The following GLIS1 variants were observed in gnomAD, a reference collection of about 807,000 sequenced individuals.
The protein encoded by GLIS1 is GLIS family zinc finger 1.
GLIS1 carries 24 observed loss-of-function variants against 63.8 expected under a neutral mutation model. The ratio of observed to expected loss-of-function variants is 0.38; its 90% CI spans 0.27 to 0.53. The LOEUF (loss-of-function observed/expected upper bound fraction) is 0.53, where lower values mean the gene tolerates loss of function less well. Ranked by LOEUF, GLIS1 falls within the 20% of genes least tolerant of loss-of-function variation. The pLI, the probability that GLIS1 is intolerant of heterozygous loss-of-function variation, is 0.85. For missense variants in GLIS1, 1,036 were observed against 1,074.1 expected (o/e 0.96, Z 0.50); for synonymous variants, 450 against 482.5 (o/e 0.93, Z 0.88).
chr1:53,645,354 T>C (rs1458169915), intron 2 of GLIS1, among the ~76,000 whole-genome samples: 2 of 152,200 alleles, frequency 1.3e-5, no homozygotes, highest in African/African-American at 2.4e-5. Context: ...ACACACTGTA[T>C]ATTTCCTGTG....
At position 53,610,947 on chromosome 1, in the gene GLIS1, T is replaced by C. The variant is rs1290347630; in HGVS notation, c.260-10669A>G. Among the ~76,000 whole-genome samples the C allele has an allele frequency of 3.9e-5, 6 of 152,348 alleles. No individual in the cohort carries two copies. In the South Asian group the frequency reaches 6.2e-4, roughly 16 times the overall value. On this transcript the variant is annotated intron_variant, in intron 2 of 10. Transcript: ENST00000628545. ...TGATCCTCTCTTTAACTGCATCTTTTAAATCTAGCTTTTGCATTCTTAAAT... is the reference window on the plus strand; with the variant it reads ...TGATCCTCTCTTTAACTGCATCTTTCAAATCTAGCTTTTGCATTCTTAAAT...
intron 5 of GLIS1, among the ~76,000 whole-genome samples, chr1:53,527,350 G>T (rs967978862): frequency 1.3e-5 from 2 of 152,222 alleles, no homozygotes; most frequent in African/African-American, 4.8e-5. Flanking sequence ...TGAGAGCCTG[G>T]GACACGGCAG....
intron 2 of GLIS1, among the ~76,000 whole-genome samples, chr1:53,721,687 T>C (rs554353362): frequency 6.6e-6 from 1 of 152,284 alleles, no homozygotes; most frequent in East Asian, 1.9e-4. Context: ...TTTGGCATTA[T>C]TTTGCTAAAA....
intron 4 of GLIS1, among the ~76,000 whole-genome samples, chr1:53,565,483 A>AT (rs986233878): frequency 6.6e-6 from 1 of 152,066 alleles, no homozygotes; most frequent in East Asian, 1.9e-4. Context: ...CGATGAAATA[A>AT]TTTTTTTTAA....
chr1:53,693,737 G>A (rs1017927249), intron 2 of GLIS1, among the ~76,000 whole-genome samples: 34 of 152,272 alleles, frequency 2.2e-4, no homozygotes, highest in African/African-American at 7.0e-4. Context: ...CAGGAAGCCC[G>A]GGATGTCGAG....
At chr1:53,596,273 G>C (rs141578398) in intron 3 of GLIS1, among the ~76,000 whole-genome samples, 4 of 152,220 alleles carry the variant, frequency 2.6e-5, no homozygotes, top group African/African-American at 7.2e-5. Flanking sequence ...CATTCTGAGT[G>C]GGGGGACCAG....
intron 2 of GLIS1, among the ~76,000 whole-genome samples, chr1:53,679,963 C>A (rs899956803): frequency 6.6e-6 from 1 of 152,126 alleles, no homozygotes; most frequent in Admixed American, 6.5e-5. Context: ...ACCCAGGGTG[C>A]CCCCAAATAT....
intron 2 of GLIS1, among the ~76,000 whole-genome samples, chr1:53,727,420 A>G (rs1269350581): frequency 1.3e-5 from 2 of 152,186 alleles, no homozygotes; most frequent in African/African-American, 4.8e-5. Context: ...CCAGCTCTCA[A>G]TTCCAACATT....
chr1:53,690,252 C>T (rs970880975), intron 2 of GLIS1, among the ~76,000 whole-genome samples: 1 of 152,270 alleles, frequency 6.6e-6, no homozygotes, highest in Admixed American at 6.5e-5. Context: ...GACACCGCAT[C>T]TTCAGGGCCA....
chr1:53,609,263 A>C (rs1645401472), intron 2 of GLIS1, among the ~76,000 whole-genome samples: 1 of 125,792 alleles, frequency 7.9e-6, no homozygotes, highest in Admixed American at 9.6e-5. Flanking sequence ...TTTGGGTTTA[A>C]ATCTTTTTTT....
chr1:53,529,305 C>T (rs1231035435), intron 5 of GLIS1, among the ~76,000 whole-genome samples: 2 of 152,138 alleles, frequency 1.3e-5, no homozygotes, highest in Non-Finnish European at 2.9e-5. Flanking sequence ...CTGCAGGGCT[C>T]AACGGACAAA....
At chr1:53,518,761 G>A (rs1644377191) in intron 7 of GLIS1, among the ~76,000 whole-genome samples, 2 of 152,222 alleles carry the variant, frequency 1.3e-5, no homozygotes, top group South Asian at 4.1e-4. Context: ...CAGCGTAGTT[G>A]GGGATTGAAC....
chr1:53,509,970 C>G lies in GLIS1; in HGVS notation c.1941G>C (p.Pro647=). The G allele has an allele frequency of 7.7e-7, 1 of 1,294,260 alleles. No individual in the cohort carries two copies. The highest frequency in any genetic ancestry group is 3.5e-5 in the South Asian group (1 of 28,650). 80.2% of individuals were successfully genotyped at this position (1,294,260 alleles called of 1,614,324 possible). A position where few individuals can be genotyped will look rare whatever the true frequency, so the allele number is the denominator to read the frequency against. Residue 647 remains proline (P), a synonymous_variant, in exon 9 of 11, where the codon CCG becomes CCC. Coordinates refer to ENST00000628545, the MANE Select transcript of GLIS1 (RefSeq NM_001367484.1). The part of the protein sequence containing the change: ...IVSPLKGLGP[P]PLPPSSQSHS... Reference sequence around the variant, plus strand: ...GGCTCTGAGAGGATGGGGGCAGCGGCGGTGGCCCCAGCCCCTTCAGGGGGC... The same window carrying G: ...GGCTCTGAGAGGATGGGGGCAGCGGGGGTGGCCCCAGCCCCTTCAGGGGGC...
intron 4 of GLIS1, among the ~76,000 whole-genome samples, chr1:53,551,461 C>T (rs887436424): frequency 6.6e-6 from 1 of 152,178 alleles, no homozygotes; most frequent in African/African-American, 2.4e-5. Context: ...CTCTGCAGAA[C>T]TGTGGGTCTC....
At position 53,510,020 on chromosome 1, in the gene GLIS1, G is replaced by T. The variant is rs1644283145; in HGVS notation, c.1891C>A (p.Pro631Thr). ...CTGACTATTGGTGAGAGGAGGCCGG[G>T]CCCCAACCTGGAGAGAACAGAGGTG... ...MAESTRDGLG[P>T]GLLSPIVSPL... Residue 631 changes from proline to threonine, a missense_variant, in exon 9 of 11, where the codon CCC (proline) becomes ACC (threonine). Coordinates refer to ENST00000628545, the MANE Select transcript of GLIS1 (RefSeq NM_001367484.1). 14 of 1,267,836 alleles carry T rather than the reference G, an allele frequency of 1.1e-5. No homozygotes were observed. Among genetic ancestry groups the T allele is most frequent in the Non-Finnish European group, 1.4e-5 (14 of 998,766 alleles). The allele number at this position is 1,267,836 out of a possible 1,614,324, so 78.5% of individuals were successfully genotyped here. A position where few individuals can be genotyped will look rare whatever the true frequency, so the allele number is the denominator to read the frequency against.
intron 2 of GLIS1, among the ~76,000 whole-genome samples, chr1:53,668,157 T>C (rs1295378014): frequency 7.2e-5 from 11 of 152,240 alleles, no homozygotes; most frequent in African/African-American, 2.7e-4. Context: ...AGAACTGATA[T>C]TTTAACAGCA....
At chr1:53,536,527 C>G (rs1260939427) in intron 4 of GLIS1, among the ~76,000 whole-genome samples, 1 of 152,010 alleles carries the variant, frequency 6.6e-6, no homozygotes, top group Non-Finnish European at 1.5e-5. Flanking sequence ...AAGCTACTTC[C>G]CAGCCCACTC....
At chr1:53,565,238 A>C (rs1644927334) in intron 4 of GLIS1, among the ~76,000 whole-genome samples, 1 of 152,072 alleles carries the variant, frequency 6.6e-6, no homozygotes, top group Non-Finnish European at 1.5e-5. Context: ...AGATGCAGTA[A>C]AAGTGGCATT....
intron 2 of GLIS1, among the ~76,000 whole-genome samples, chr1:53,601,685 C>A (rs1645319499): frequency 6.6e-6 from 1 of 152,174 alleles, no homozygotes; most frequent in African/African-American, 2.4e-5. Context: ...CAAGAACACA[C>A]AGCTAGGAAG....
Sources: gnomAD v4.1 joint callset for allele counts (sites outside exome capture counted in the v4.1 genomes callset) on GRCh38, gnomAD v4.1.1 for gene constraint, MANE v1.5 for transcripts, NCBI Gene and HGNC (gene_info 2026-07-23, HGNC 2026-07-21) for gene names.